Variants in ARHGAP24 observed in about 807,000 individuals in gnomAD.
ARHGAP24 encodes the protein Rho GTPase activating protein 24, also known as rho GTPase-activating protein 24.
Under a neutral mutation model 76.4 loss-of-function variants are expected in ARHGAP24, and 50 were observed. That is an observed-to-expected ratio of 0.65 (90% CI 0.52 to 0.83). ARHGAP24 has a LOEUF of 0.83. Among genes scored for constraint, ARHGAP24 ranks in the 40% least tolerant of loss-of-function variants. The probability of loss-of-function intolerance (pLI) is 0.00; values close to 1 mark genes in which losing one functional copy is unlikely to be tolerated. For missense variants in ARHGAP24, 930 were observed against 914.2 expected (o/e 1.02, Z -0.22); for synonymous variants, 345 against 323.3 (o/e 1.07, Z -0.72).
intron 1 of ARHGAP24, among the ~76,000 whole-genome samples, chr4:85,478,832 C>T (rs1042401681): frequency 3.9e-5 from 6 of 152,240 alleles, no homozygotes; most frequent in African/African-American, 4.8e-5. Flanking sequence ...TACCCAATTC[C>T]GTGAAGAATT....
At chr4:85,767,550 G>A (rs1726975946) in intron 3 of ARHGAP24, among the ~76,000 whole-genome samples, 3 of 152,120 alleles carry the variant, frequency 2.0e-5, no homozygotes, top group South Asian at 4.1e-4. Context: ...CTTGAACAGA[G>A]CATCCCAACA....
chr4:85,873,116 T>C (rs373561896), intron 3 of ARHGAP24, among the ~76,000 whole-genome samples: 7 of 152,266 alleles, frequency 4.6e-5, no homozygotes, highest in African/African-American at 1.7e-4. Flanking sequence ...TACTCCTTAC[T>C]GGCAGCATGA....
At chr4:85,711,253 G>C (rs1724515705) in intron 2 of ARHGAP24, among the ~76,000 whole-genome samples, 1 of 152,022 alleles carries the variant, frequency 6.6e-6, no homozygotes, top group Non-Finnish European at 1.5e-5. Context: ...AGGATAAAGG[G>C]TGGAAGGAGG....
intron 3 of ARHGAP24, among the ~76,000 whole-genome samples, chr4:85,799,991 G>A (rs150374464): frequency 6.6e-6 from 1 of 152,280 alleles, no homozygotes; most frequent in East Asian, 1.9e-4. Flanking sequence ...GTCACAGATT[G>A]GAGAAGACTA....
chr4:85,760,340 G>A (rs192501100), intron 3 of ARHGAP24, among the ~76,000 whole-genome samples: 2 of 152,254 alleles, frequency 1.3e-5, no homozygotes, highest in African/African-American at 4.8e-5. Flanking sequence ...TCAAGGTTTT[G>A]AAAATGTTTT....
At chr4:85,602,167 T>C (rs1720051461) in intron 2 of ARHGAP24, among the ~76,000 whole-genome samples, 1 of 152,170 alleles carries the variant, frequency 6.6e-6, no homozygotes, top group Non-Finnish European at 1.5e-5. Flanking sequence ...GAAACCATAG[T>C]ACATAGATAA....
intron 3 of ARHGAP24, among the ~76,000 whole-genome samples, chr4:85,908,861 G>C (rs1425461713): frequency 1.5e-5 from 2 of 136,278 alleles, no homozygotes; most frequent in Non-Finnish European, 3.2e-5. Flanking sequence ...TAATTAAAAA[G>C]AAAAAAAAAA....
chr4:85,533,548 T>A (rs1725352019), intron 1 of ARHGAP24, among the ~76,000 whole-genome samples: 1 of 152,222 alleles, frequency 6.6e-6, no homozygotes, highest in African/African-American at 2.4e-5. Flanking sequence ...TTAAAGTGTT[T>A]CATTAGCTTT....
intron 2 of ARHGAP24, among the ~76,000 whole-genome samples, chr4:85,621,638 A>C (rs1720722813): frequency 6.6e-6 from 1 of 151,350 alleles, no homozygotes; most frequent in Non-Finnish European, 1.5e-5. Context: ...TGATTTATTT[A>C]GGTTCTTTAT....
intron 1 of ARHGAP24, among the ~76,000 whole-genome samples, chr4:85,569,592 C>G (rs546404661): frequency 7.2e-5 from 11 of 152,274 alleles, no homozygotes; most frequent in Admixed American, 2.6e-4. Flanking sequence ...TATTCCTCAT[C>G]ATGTCATGAC....
intron 3 of ARHGAP24, among the ~76,000 whole-genome samples, chr4:85,902,867 T>C (rs1238333648): frequency 6.6e-6 from 1 of 152,192 alleles, no homozygotes; most frequent in African/African-American, 2.4e-5. Flanking sequence ...GCCTCCCAAA[T>C]TGCTGGGATT....
Position 85,994,883 on chromosome 4 carries a change from T to C in ARHGAP24, c.1229T>C (p.Leu410Pro). The change falls in exon 9 of 10, where the codon CTA becomes CCA. Residue 410 changes from leucine (L) to proline (P), a missense_variant. By Grantham distance (98) the Leu-to-Pro change is moderately conservative. Coordinates refer to ENST00000395184, the MANE Select transcript of ARHGAP24 (RefSeq NM_001025616.3). Reference sequence around the variant, plus strand: ...AGCCCAAAGAACAGTGTTCACAAGCTAGATGTGTCTAGAAGCCCCCCTCTC... The same window carrying C: ...AGCCCAAAGAACAGTGTTCACAAGCCAGATGTGTCTAGAAGCCCCCCTCTC... ...TNSPKNSVHK[L>P]DVSRSPPLMV... 6.2e-7 allele frequency: 1 copy of C among 1,614,124 alleles called. No individual in the cohort carries two copies. Among genetic ancestry groups the C allele is most frequent in the Non-Finnish European group, 8.5e-7 (1 of 1,180,036 alleles).
At chr4:85,997,219 C>G (rs926382659) in intron 9 of ARHGAP24, among the ~76,000 whole-genome samples, 1 of 151,804 alleles carries the variant, frequency 6.6e-6, no homozygotes, top group African/African-American at 2.4e-5. Context: ...TCTTTAAATT[C>G]CTTTATAACT....
intron 3 of ARHGAP24, among the ~76,000 whole-genome samples, chr4:85,825,675 AT>A (rs998691166): frequency 1.3e-5 from 2 of 152,174 alleles, no homozygotes; most frequent in Non-Finnish European, 2.9e-5. Context: ...ATAAAAACTG[AT>A]TTTTCCTTTC....
At chr4:85,796,223 C>G (rs948661221) in intron 3 of ARHGAP24, among the ~76,000 whole-genome samples, 1 of 152,122 alleles carries the variant, frequency 6.6e-6, no homozygotes, top group Non-Finnish European at 1.5e-5. Context: ...CACACACTCA[C>G]ACACACATAT....
chr4:85,828,528 TA>T (rs67257658), intron 3 of ARHGAP24, among the ~76,000 whole-genome samples: 54 of 146,136 alleles, frequency 3.7e-4, no homozygotes, highest in Middle Eastern at 3.5e-3. Flanking sequence ...TTTTTTTTTT[TA>T]AAAAAAGCCA....
chr4:85,838,521 C>A (rs936361462), intron 3 of ARHGAP24, among the ~76,000 whole-genome samples: 1 of 152,170 alleles, frequency 6.6e-6, no homozygotes, highest in African/African-American at 2.4e-5. Context: ...ATGGTGTGAA[C>A]CCAGGAGGCG....
At position 85,533,593 on chromosome 4, in the gene ARHGAP24, C is replaced by G. The variant is rs112253214; in HGVS notation, c.-20-36929C>G. On this transcript the variant is annotated intron_variant, in intron 1 of 9. Transcript: ENST00000395184. ...AGCATTCTGCGTGCTTTATAGCATA[C>G]AGTAAGGGGTATTCTCCCTCACAGC... is the stretch of plus-strand genomic sequence containing the variant. Among the ~76,000 whole-genome samples, 1,465 of 152,174 alleles carry G rather than the reference C, an allele frequency of 9.6e-3. 13 individuals carry two copies. Among genetic ancestry groups the G allele is most frequent in the East Asian group, 0.018 (92 of 5,176 alleles).
chr4:85,770,664 A>T (rs1042661791), intron 3 of ARHGAP24, among the ~76,000 whole-genome samples: 1 of 152,220 alleles, frequency 6.6e-6, no homozygotes, highest in African/African-American at 2.4e-5. Flanking sequence ...AAATCCCCTT[A>T]TTTTATATAG....
Sources: allele counts gnomAD v4.1 joint callset (sites outside exome capture counted in the v4.1 genomes callset), GRCh38; gene constraint gnomAD v4.1.1; transcripts MANE v1.5; gene names NCBI Gene and HGNC (gene_info 2026-07-23, HGNC 2026-07-21).